Variants in RTL4 observed in about 807,000 individuals in gnomAD.
RTL4 encodes the protein retrotransposon Gag-like protein 4.
A neutral mutation model predicts 5.3 loss-of-function variants in RTL4; 4 were observed. The ratio of observed to expected loss-of-function variants is 0.75; its 90% CI spans 0.37 to 1.72. The LOEUF is 1.72. RTL4 is among the 40% of genes most tolerant of loss of function. The probability of loss-of-function intolerance (pLI) is 0.04; values close to 1 mark genes in which losing one functional copy is unlikely to be tolerated. For synonymous variants in RTL4, 98 were observed against 87.3 expected (o/e 1.12, Z -0.68); for missense variants, 260 against 227.1 (o/e 1.14, Z -0.93).
At chrX:112,318,807 A>G in the RTL4 span, among the ~76,000 whole-genome samples, 1 of 111,524 alleles carries the variant, frequency 9.0e-6, no homozygotes, top group African/African-American at 3.3e-5. Flanking sequence ...TTTTATATCT[A>G]CAAAAGAGAC....
At chrX:112,083,972 GTC>G in the RTL4 span, among the ~76,000 whole-genome samples, 3 of 111,246 alleles carry the variant, frequency 2.7e-5, no homozygotes, top group East Asian at 5.7e-4. Context: ...GGGCATGTGA[GTC>G]TCTGCCTTTC....
At chrX:112,152,722 T>C in the RTL4 span, among the ~76,000 whole-genome samples, 2 of 112,319 alleles carry the variant, frequency 1.8e-5, no homozygotes, top group African/African-American at 6.5e-5. Flanking sequence ...AGGTTTATAC[T>C]ACCCTTTTCT....
chrX:112,196,321 C>T, the RTL4 span, among the ~76,000 whole-genome samples: 21,224 of 110,638 alleles, frequency 0.19, 1,542 homozygotes, highest in African/African-American at 0.21. Context: ...ATAGTTTATT[C>T]CTTCTTATTG....
the RTL4 span, among the ~76,000 whole-genome samples, chrX:112,316,923 A>G: frequency 8.9e-6 from 1 of 112,060 alleles, no homozygotes; most frequent in South Asian, 3.7e-4. Context: ...GAGCTCAGCC[A>G]CATGTCGCTG....
At chrX:112,413,327 T>C in the RTL4 span, among the ~76,000 whole-genome samples, 1 of 111,486 alleles carries the variant, frequency 9.0e-6, no homozygotes, top group Non-Finnish European at 1.9e-5. Flanking sequence ...TGAGCTATCA[T>C]GTGATCTACC....
At chrX:112,202,663 C>T in the RTL4 span, among the ~76,000 whole-genome samples, 8 of 108,242 alleles carry the variant, frequency 7.4e-5, no homozygotes, top group Non-Finnish European at 9.6e-5. Context: ...TGGGTTCAAG[C>T]GATTCTCCTG....
the RTL4 span, among the ~76,000 whole-genome samples, chrX:112,390,477 T>C: frequency 2.8e-5 from 3 of 108,936 alleles, no homozygotes; most frequent in African/African-American, 1.0e-4. Flanking sequence ...ATATATCTTA[T>C]AAGGCATGTC....
the RTL4 span, among the ~76,000 whole-genome samples, chrX:112,357,969 C>CT: frequency 2.1e-4 from 23 of 110,588 alleles, no homozygotes; most frequent in South Asian, 1.5e-3. Flanking sequence ...GTAATTCAAT[C>CT]TTTTTTTTTA....
At chrX:112,420,287 C>A in the RTL4 span, among the ~76,000 whole-genome samples, 39 of 111,514 alleles carry the variant, frequency 3.5e-4, no homozygotes, top group Admixed American at 3.6e-3. Flanking sequence ...GCAGCTAATT[C>A]TTAATGTTCC....
At chrX:112,282,956 G>A in the RTL4 span, among the ~76,000 whole-genome samples, 1 of 111,296 alleles carries the variant, frequency 9.0e-6, no homozygotes, top group South Asian at 3.7e-4. Flanking sequence ...TAAATAGAAA[G>A]GAATAATAAC....
the RTL4 span, among the ~76,000 whole-genome samples, chrX:112,088,715 A>G: frequency 8.9e-6 from 1 of 112,189 alleles, no homozygotes; most frequent in Non-Finnish European, 1.9e-5. Context: ...ATCCTCACCA[A>G]CACTGGTTAT....
the RTL4 span, among the ~76,000 whole-genome samples, chrX:112,416,127 T>A: frequency 0.15 from 16,448 of 110,630 alleles, 1,062 homozygotes; most frequent in East Asian, 0.25. Flanking sequence ...CCACCTTTCC[T>A]CTATGCGACT....
the RTL4 span, among the ~76,000 whole-genome samples, chrX:112,365,328 G>A: frequency 6.3e-5 from 7 of 110,975 alleles, no homozygotes; most frequent in Non-Finnish European, 1.1e-4. Context: ...GGAGAGATAC[G>A]CAGGGGCCAG....
At chrX:112,180,898 G>GA in the RTL4 span, among the ~76,000 whole-genome samples, 14 of 112,205 alleles carry the variant, frequency 1.2e-4, no homozygotes, top group East Asian at 3.9e-3. Context: ...CAAGATGGCC[G>GA]AATCGGGACA....
chrX:112,450,656 A>G (rs1210633934), upstream of RTL4, among the ~76,000 whole-genome samples: 1 of 112,261 alleles, frequency 8.9e-6, no homozygotes, highest in Non-Finnish European at 1.9e-5. Flanking sequence ...AATGCTTATA[A>G]TCTTAGCAAG....
At chrX:112,201,414 C>A in the RTL4 span, among the ~76,000 whole-genome samples, 4 of 111,169 alleles carry the variant, frequency 3.6e-5, no homozygotes, top group Non-Finnish European at 7.5e-5. Flanking sequence ...AAGTGATGTA[C>A]ATCACTTACA....
chrX:112,209,957 G>A, the RTL4 span, among the ~76,000 whole-genome samples: 1 of 111,667 alleles, frequency 9.0e-6, no homozygotes, highest in East Asian at 2.8e-4. Flanking sequence ...CCTGACAAAG[G>A]CTCCAAACAG....
the RTL4 span, among the ~76,000 whole-genome samples, chrX:112,339,188 G>T: frequency 8.9e-6 from 1 of 112,232 alleles, no homozygotes; most frequent in Non-Finnish European, 1.9e-5. Context: ...AGTTCTGTTG[G>T]TTGAAGACAT....
the RTL4 span, among the ~76,000 whole-genome samples, chrX:112,236,475 AGATATAGATC>A: frequency 1.2e-5 from 1 of 82,036 alleles, no homozygotes; most frequent in African/African-American, 5.0e-5. Flanking sequence ...ATCTATATAT[AGATATAGATC>A]TATATCTATA....
Sources: gnomAD v4.1 joint callset for allele counts (sites outside exome capture counted in the v4.1 genomes callset) on GRCh38, gnomAD v4.1.1 for gene constraint, MANE v1.5 for transcripts, NCBI Gene and HGNC (gene_info 2026-07-23, HGNC 2026-07-21) for gene names.